The following DIAPH2 variants were observed in gnomAD, a reference collection of about 807,000 sequenced individuals.
DIAPH2 encodes diaphanous related formin 2.
Under a neutral mutation model 92.7 loss-of-function variants are expected in DIAPH2, and 35 were observed. That is an observed-to-expected ratio of 0.38 (90% CI 0.29 to 0.50). The LOEUF is 0.50. Ranked by LOEUF, DIAPH2 falls within the 20% of genes least tolerant of loss-of-function variation. The pLI, the probability that DIAPH2 is intolerant of heterozygous loss-of-function variation, is 0.94. For synonymous variants in DIAPH2, 301 were observed against 280.4 expected (o/e 1.07, Z -0.73); for missense variants, 701 against 819.5 (o/e 0.86, Z 1.77).
At chrX:97,414,548 G>A (rs367838564) in intron 25 of DIAPH2, among the ~76,000 whole-genome samples, 54 of 108,496 alleles carry the variant, frequency 5.0e-4, no homozygotes, top group African/African-American at 1.8e-3. Flanking sequence ...TACTTGGGAG[G>A]CTGAGGCAGG....
intron 23 of DIAPH2, among the ~76,000 whole-genome samples, chrX:97,327,592 C>T (rs2068963039): frequency 9.0e-6 from 1 of 110,935 alleles, no homozygotes; most frequent in Non-Finnish European, 1.9e-5. Flanking sequence ...GCCACCACAC[C>T]TGGCTACTGG....
At chrX:97,232,327 C>T (rs772833207) in intron 22 of DIAPH2, among the ~76,000 whole-genome samples, 5 of 111,534 alleles carry the variant, frequency 4.5e-5, no homozygotes, top group South Asian at 3.8e-4. Flanking sequence ...CTCCTTCTCC[C>T]GGGTTCAAGC....
intron 22 of DIAPH2, among the ~76,000 whole-genome samples, chrX:97,185,349 ATATGTGTG>A (rs1284752539): frequency 0.014 from 55 of 3,796 alleles, 4 homozygotes; most frequent in Middle Eastern, 0.12. Flanking sequence ...ATGTATATAT[ATATGTGTG>A]TATATATATA....
At chrX:96,976,275 G>A (rs2065961390) in intron 17 of DIAPH2, among the ~76,000 whole-genome samples, 1 of 97,094 alleles carries the variant, frequency 1.0e-5, no homozygotes, top group Non-Finnish European at 2.1e-5. Context: ...GCGACAGAGC[G>A]AGACTCCATC....
intron 23 of DIAPH2, among the ~76,000 whole-genome samples, chrX:97,262,340 G>A (rs925273400): frequency 3.6e-5 from 4 of 111,447 alleles, no homozygotes; most frequent in Admixed American, 9.7e-5. Flanking sequence ...GACGATTTGC[G>A]TGAGTAACTG....
At chrX:97,568,072 C>T (rs909632153) in intron 26 of DIAPH2, among the ~76,000 whole-genome samples, 3 of 87,225 alleles carry the variant, frequency 3.4e-5, no homozygotes, top group African/African-American at 8.8e-5. Flanking sequence ...GTGGAGATTG[C>T]GCCATTGCAT....
intron 24 of DIAPH2, among the ~76,000 whole-genome samples, chrX:97,355,392 A>T (rs1417224449): frequency 2.7e-5 from 3 of 109,569 alleles, no homozygotes; most frequent in African/African-American, 9.9e-5. Context: ...TTTTAAACCA[A>T]GCACTTGACA....
At chrX:97,101,517 G>T (rs1185185855) in intron 20 of DIAPH2, among the ~76,000 whole-genome samples, 2 of 110,628 alleles carry the variant, frequency 1.8e-5, no homozygotes, top group East Asian at 5.7e-4. Flanking sequence ...CATGTCTGGG[G>T]GTGGGGGGCG....
intron 23 of DIAPH2, among the ~76,000 whole-genome samples, chrX:97,256,969 C>A (rs934564198): frequency 1.8e-4 from 18 of 100,880 alleles, no homozygotes; most frequent in South Asian, 4.9e-4. Context: ...AGCCTTTCTT[C>A]TGGTTTTAAA....
Position 97,599,594 on chromosome X carries a change from G to A in DIAPH2, c.*277G>A. On this transcript the variant is annotated 3_prime_UTR_variant, in exon 27 of 27. Coordinates refer to ENST00000324765, the MANE Select transcript of DIAPH2 (RefSeq NM_006729.5). ...TTGTGTGTGACCTGACTGTGATGATGGAAGTGTAAGAAATTGAAGAGTTCT... is the reference window on the plus strand; with the variant it reads ...TTGTGTGTGACCTGACTGTGATGATAGAAGTGTAAGAAATTGAAGAGTTCT... The A allele has an allele frequency of 6.6e-6, 1 of 150,695 alleles. No homozygotes were observed. The highest frequency in any genetic ancestry group is 3.1e-5 in the African/African-American group (1 of 32,249). The allele number at this position is 150,695 out of a possible 1,213,427, so 12.4% of individuals were successfully genotyped here. A position where few individuals can be genotyped will look rare whatever the true frequency, so the allele number is the denominator to read the frequency against.
intron 3 of DIAPH2, among the ~76,000 whole-genome samples, chrX:96,751,808 T>C (rs1395462919): frequency 6.7e-4 from 63 of 93,386 alleles, no homozygotes; most frequent in African/African-American, 9.8e-4. Context: ...CGCCCGCCAC[T>C]ACGCCCGGCT....
At chrX:97,023,256 T>A (rs1171421171) in intron 17 of DIAPH2, among the ~76,000 whole-genome samples, 2 of 111,800 alleles carry the variant, frequency 1.8e-5, no homozygotes, top group Non-Finnish European at 3.8e-5. Flanking sequence ...TTATTCTTTC[T>A]TTGTTTCTAA....
chrX:97,043,228 A>G (rs1207938443), intron 17 of DIAPH2, among the ~76,000 whole-genome samples: 1 of 111,517 alleles, frequency 9.0e-6, no homozygotes, highest in Non-Finnish European at 1.9e-5. Context: ...TTTGCACAAA[A>G]GGCTTTATCT....
At chrX:97,168,580 TA>T (rs1052472640) in intron 22 of DIAPH2, among the ~76,000 whole-genome samples, 35 of 110,573 alleles carry the variant, frequency 3.2e-4, no homozygotes, top group Non-Finnish European at 5.1e-4. Context: ...AAAATACATT[TA>T]AAAAAAAACC....
intron 17 of DIAPH2, among the ~76,000 whole-genome samples, chrX:97,021,372 T>G (rs976963880): frequency 9.0e-6 from 1 of 111,191 alleles, no homozygotes; most frequent in Non-Finnish European, 1.9e-5. Context: ...CTCCTTTTGG[T>G]AATTTTTATA....
intron 26 of DIAPH2, among the ~76,000 whole-genome samples, chrX:97,450,883 CT>C (rs35721417): frequency 0.015 from 1,387 of 94,464 alleles, 23 homozygotes; most frequent in African/African-American, 0.05. Context: ...CAATGGGCTA[CT>C]TTTTTTTTTT....
chrX:97,215,082 A>G (rs2067872943), intron 22 of DIAPH2, among the ~76,000 whole-genome samples: 1 of 111,121 alleles, frequency 9.0e-6, no homozygotes, highest in South Asian at 3.8e-4. Context: ...TATATATAGC[A>G]TGCAATCTAG....
intron 25 of DIAPH2, among the ~76,000 whole-genome samples, chrX:97,413,784 T>C (rs2069907556): frequency 9.0e-6 from 1 of 111,302 alleles, no homozygotes; most frequent in Non-Finnish European, 1.9e-5. Context: ...AAATCATGAG[T>C]GAACTCCCAT....
At chrX:97,433,677 T>A (rs1569396271) in intron 26 of DIAPH2, among the ~76,000 whole-genome samples, 1 of 111,854 alleles carries the variant, frequency 8.9e-6, no homozygotes, top group African/African-American at 3.2e-5. Context: ...GATTAGGAAA[T>A]GAGCCCCTAA....
Sources: allele counts gnomAD v4.1 joint callset (sites outside exome capture counted in the v4.1 genomes callset), GRCh38; gene constraint gnomAD v4.1.1; transcripts MANE v1.5; gene names NCBI Gene and HGNC (gene_info 2026-07-23, HGNC 2026-07-21).